GCNT1: variants seen among roughly 807,000 people sequenced by gnomAD.
The protein encoded by GCNT1 is beta-1,3-galactosyl-O-glycosyl-glycoprotein beta-1,6-N-acetylglucosaminyltransferase.
GCNT1 carries 16 observed loss-of-function variants against 26.2 expected under a neutral mutation model. That is an observed-to-expected ratio of 0.61 (90% CI 0.41 to 0.93). The LOEUF (loss-of-function observed/expected upper bound fraction) is 0.93, where lower values mean the gene tolerates loss of function less well. Among genes scored for constraint, GCNT1 ranks in the 40% least tolerant of loss-of-function variants. GCNT1 has a pLI of 0.00. For missense variants in GCNT1, 477 were observed against 526.7 expected (o/e 0.91, Z 0.92); for synonymous variants, 183 against 190.8 (o/e 0.96, Z 0.34).
intron 2 of GCNT1, among the ~76,000 whole-genome samples, chr9:76,464,043 T>G (rs866848799): frequency 1.1e-4 from 17 of 151,262 alleles, no homozygotes; most frequent in Admixed American, 2.0e-4. Flanking sequence ...TTTTTGTTTT[T>G]TTTTTTTTTT....
At chr9:76,454,844 T>G (rs1823730095), upstream of GCNT1, among the ~76,000 whole-genome samples, 1 of 132,520 alleles carries the variant, frequency 7.5e-6, no homozygotes, top group Admixed American at 7.7e-5. Context: ...TTTCTTTTCT[T>G]TTTTTTTTTT....
chr9:76,402,780 A>G, the GCNT1 span, among the ~76,000 whole-genome samples: 2 of 151,888 alleles, frequency 1.3e-5, no homozygotes, highest in African/African-American at 4.8e-5. Flanking sequence ...CCTGGGTTCA[A>G]GTGATTCTCC....
intron 2 of GCNT1, among the ~76,000 whole-genome samples, chr9:76,468,618 A>T (rs982071319): frequency 3.3e-5 from 5 of 152,174 alleles, no homozygotes; most frequent in African/African-American, 1.2e-4. Flanking sequence ...GAGCATTCCT[A>T]GTTCTTTTGT....
chr9:76,491,908 A>C (rs1824748689), intron 2 of GCNT1, among the ~76,000 whole-genome samples: 1 of 152,132 alleles, frequency 6.6e-6, no homozygotes, highest in African/African-American at 2.4e-5. Flanking sequence ...TTTGGCACCT[A>C]ATATGCCATT....
chr9:76,425,006 T>C (rs1823241858), intron 1 of GCNT1, among the ~76,000 whole-genome samples: 2 of 151,538 alleles, frequency 1.3e-5, no homozygotes, highest in African/African-American at 4.8e-5. Context: ...AGGCGTGGTA[T>C]CACGCGCCTG....
upstream of GCNT1, among the ~76,000 whole-genome samples, chr9:76,439,371 C>T (rs919145706): frequency 6.6e-5 from 10 of 151,822 alleles, no homozygotes; most frequent in Non-Finnish European, 1.5e-4. Context: ...ATTACAGGTG[C>T]GTGGCACCAC....
chr9:76,409,963 T>C, the GCNT1 span, among the ~76,000 whole-genome samples: 1 of 152,186 alleles, frequency 6.6e-6, no homozygotes, highest in Non-Finnish European at 1.5e-5. Flanking sequence ...TGGTTTTATT[T>C]TAATTTACTT....
At chr9:76,419,617 G>A (rs1166370168), upstream of GCNT1, among the ~76,000 whole-genome samples, 8 of 151,832 alleles carry the variant, frequency 5.3e-5, no homozygotes, top group African/African-American at 1.2e-4. Flanking sequence ...AATATCATGC[G>A]ACTACACTCC....
chr9:76,470,041 C>G (rs1824096344), intron 2 of GCNT1, among the ~76,000 whole-genome samples: 1 of 152,066 alleles, frequency 6.6e-6, no homozygotes. Context: ...TAAGGGTACT[C>G]TTAGGGTCTA....
Position 76,428,253 on chromosome 9 carries a change from A to G in GCNT1, n.38+8366A>G, listed in dbSNP as rs1289628617. On this transcript the variant is annotated intron_variant and non_coding_transcript_variant, in intron 1 of 3. Coordinates refer to the GCNT1 transcript ENST00000488136. ...TGCACTCCGGCCTGGGTAAAAGAGC[A>G]AGACTCCGTCTCAAAAAAAAAAAAA... is the stretch of plus-strand genomic sequence containing the variant. Among the ~76,000 whole-genome samples, 3 of 131,256 alleles carry G rather than the reference A, an allele frequency of 2.3e-5. No individual in the cohort carries two copies. In the East Asian group the frequency reaches 6.0e-4, roughly 26 times the overall value. The allele number at this position is 131,256 out of a possible 152,430, so 86.1% of individuals were successfully genotyped here.
the GCNT1 span, among the ~76,000 whole-genome samples, chr9:76,413,668 G>GTT: frequency 1.7e-4 from 14 of 84,182 alleles, no homozygotes; most frequent in East Asian, 1.8e-3. Flanking sequence ...TTTTTTTTTT[G>GTT]TTTTTTTTTT....
intron 1 of GCNT1, among the ~76,000 whole-genome samples, chr9:76,459,857 T>C (rs575116021): frequency 3.3e-4 from 50 of 152,282 alleles, no homozygotes; most frequent in African/African-American, 1.2e-3. Context: ...CTCCCTCGCT[T>C]TCCTTCTTCT....
the GCNT1 span, among the ~76,000 whole-genome samples, chr9:76,397,733 C>A: frequency 1.3e-5 from 2 of 152,266 alleles, no homozygotes; most frequent in East Asian, 3.9e-4. Flanking sequence ...CATTTTCCAC[C>A]ACCGCTCAAT....
chr9:76,488,829 A>G (rs1824652340), intron 2 of GCNT1, among the ~76,000 whole-genome samples: 1 of 152,142 alleles, frequency 6.6e-6, no homozygotes, highest in South Asian at 2.1e-4. Context: ...CTATCATGTT[A>G]ATAATTTTCA....
rs1057406 is a variant in GCNT1, at chr9:76,503,413, G to A, written c.1032G>A (p.Leu344=). ...GSLPASHKYD[L]SDMQAVARFV... is the part of the protein sequence containing the mutation. The stretch of plus-strand genomic sequence containing the variant: ...TCCCTGCCAGCCATAAGTATGATCT[G>A]TCTGACATGCAAGCAGTTGCCAGGT... The change falls in exon 4 of 4, where the codon CTG becomes CTA. Residue 344 remains leucine (L), a synonymous_variant. Coordinates refer to ENST00000376730, the MANE Select transcript of GCNT1 (RefSeq NM_001490.5). The A allele has an allele frequency of 0.21, 343,250 of 1,613,800 alleles. 37,509 individuals carry two copies. Among genetic ancestry groups the A allele is most frequent in the Middle Eastern group, 0.29 (1,746 of 6,062 alleles).
Position 76,441,801 on chromosome 9 carries a change from T to A in GCNT1, c.-804T>A, listed in dbSNP as rs915143987. 6 of 152,260 alleles carry A rather than the reference T, an allele frequency of 3.9e-5. No homozygotes were observed. In the East Asian group the frequency reaches 5.8e-4, roughly 15 times the overall value. 9.4% of individuals were successfully genotyped at this position (152,260 alleles called of 1,614,324 possible). On this transcript the variant is annotated 5_prime_UTR_variant, in exon 1 of 3. Transcript: ENST00000442371. ...CCTGGGACCAGAAAAGGTCAGAGAC[T>A]CTTAATGGGTAATGCAGACAACTGG...
At chr9:76,409,591 G>A in the GCNT1 span, among the ~76,000 whole-genome samples, 13 of 151,738 alleles carry the variant, frequency 8.6e-5, no homozygotes, top group African/African-American at 2.2e-4. Context: ...GATTACAGGC[G>A]GGTGCCACCA....
Position 76,502,671 on chromosome 9 carries a change from C to G in GCNT1, c.290C>G (p.Thr97Ser), listed in dbSNP as rs1355189622. The G allele has an allele frequency of 5.6e-6, 9 of 1,613,966 alleles. No homozygotes were observed. Among genetic ancestry groups the G allele is most frequent in the Non-Finnish European group, 7.6e-6 (9 of 1,179,984 alleles). ...ACACCTGACGACTATATAAACATGA[C>G]CAGTGACTGTTCTTCTTTCATCAAG... Reference protein sequence around the residue: ...RWTPDDYINMTSDCSSFIKRR... With the variant: ...RWTPDDYINMSSDCSSFIKRR... Residue 97 changes from threonine to serine, a missense_variant, in exon 4 of 4, where the codon ACC becomes AGC. Coordinates refer to ENST00000376730, the MANE Select transcript of GCNT1 (RefSeq NM_001490.5).
At chr9:76,493,544 GGGCCAAATTC>G (rs1458089452) in intron 2 of GCNT1, among the ~76,000 whole-genome samples, 1 of 152,170 alleles carries the variant, frequency 6.6e-6, no homozygotes, top group Admixed American at 6.5e-5. Context: ...TACCTGGGTT[GGGCCAAATTC>G]CCCTCCCCCT....
Sources: gnomAD v4.1 joint callset for allele counts (sites outside exome capture counted in the v4.1 genomes callset) on GRCh38, gnomAD v4.1.1 for gene constraint, MANE v1.5 for transcripts, NCBI Gene and HGNC (gene_info 2026-07-23, HGNC 2026-07-21) for gene names.